The following SH2B2 variants were observed in gnomAD, a reference collection of about 807,000 sequenced individuals.
SH2B2 encodes SH2B adapter protein 2.
In SH2B2, 37 loss-of-function variants were observed where a neutral mutation model predicts 35.7. The ratio of observed to expected loss-of-function variants is 1.04; its 90% CI spans 0.80 to 1.36. The LOEUF is 1.36. SH2B2 is among the 40% of genes most tolerant of loss of function. SH2B2 has a pLI of 0.00. For synonymous variants in SH2B2, 383 were observed against 376.4 expected (o/e 1.02, Z -0.20); for missense variants, 852 against 817.7 (o/e 1.04, Z -0.51).
rs781902143 is a variant in SH2B2, at chr7:102,297,792, G to A, written c.-29-2730G>A. On this transcript the variant is annotated intron_variant, in intron 1 of 8. Coordinates refer to ENST00000444095, the MANE Select transcript of SH2B2 (RefSeq NM_001359228.2). The surrounding 1 kb of genome is among the most constrained non-coding windows in gnomAD (Gnocchi z 4.3). Reference sequence around the variant, plus strand: ...CCTGCCTTGTGAAACTGGCATTCTCGGGGGAAGGGGGTGGAGGGGACACAC... The same window carrying A: ...CCTGCCTTGTGAAACTGGCATTCTCAGGGGAAGGGGGTGGAGGGGACACAC... Among the ~76,000 whole-genome samples the A allele has an allele frequency of 1.6e-4, 25 of 152,070 alleles. No individual in the cohort carries two copies. The highest frequency in any genetic ancestry group is 2.2e-4 in the Non-Finnish European group (15 of 68,016).
chr7:102,315,799 G>A (rs1335803103), intron 6 of SH2B2, among the ~76,000 whole-genome samples: 3 of 149,832 alleles, frequency 2.0e-5, no homozygotes, highest in African/African-American at 7.4e-5. Flanking sequence ...GAGGGAGGGA[G>A]GGAAGGAAGG....
At chr7:102,298,568 C>T (rs982260068) in intron 1 of SH2B2, among the ~76,000 whole-genome samples, 1 of 152,104 alleles carries the variant, frequency 6.6e-6, no homozygotes, top group Non-Finnish European at 1.5e-5. Flanking sequence ...CATGTCACCA[C>T]ATTCAGATCA....
chr7:102,298,851 T>A (rs1411948706), intron 1 of SH2B2, among the ~76,000 whole-genome samples: 1 of 149,980 alleles, frequency 6.7e-6, no homozygotes, highest in Non-Finnish European at 1.5e-5. Flanking sequence ...TACAGGCCAA[T>A]GTGTAAGCCA....
At chr7:102,296,397 A>T (rs1424234589) in intron 1 of SH2B2, among the ~76,000 whole-genome samples, 1 of 152,134 alleles carries the variant, frequency 6.6e-6, no homozygotes, top group African/African-American at 2.4e-5. Context: ...CCTCTAACTC[A>T]TTTCCTTGGA....
At chr7:102,287,718 C>T (rs1792510772) in intron 1 of SH2B2, among the ~76,000 whole-genome samples, 1 of 152,162 alleles carries the variant, frequency 6.6e-6, no homozygotes, top group African/African-American at 2.4e-5. Context: ...GCCCTTGGGC[C>T]TCGGCCATTG....
chr7:102,300,655 C>T lies in SH2B2; in HGVS notation c.105C>T (p.Ala35=). ...QFCELHAQAA[A]VDFAHKFCRF... Reference sequence around the variant, plus strand: ...GCGAGCTGCATGCGCAGGCGGCCGCCGTGGACTTTGCGCACAAGTTCTGCC... The same window carrying T: ...GCGAGCTGCATGCGCAGGCGGCCGCTGTGGACTTTGCGCACAAGTTCTGCC... The change falls in exon 2 of 9, where the codon GCC becomes GCT. Residue 35 remains alanine (A), a synonymous_variant. Transcript: ENST00000444095. 2.6e-6 allele frequency: 4 copies of T among 1,549,580 alleles called. No homozygotes were observed. The South Asian group carries it at 3.6e-5, about 14-fold the overall frequency.
intron 1 of SH2B2, chr7:102,293,105 TAGGCGGGGCGGCG>T (rs1554552043): frequency 6.5e-6 from 1 of 154,568 alleles, no homozygotes; most frequent in African/African-American, 2.4e-5. Context: ...GCGGGCCCAT[TAGGCGGGGCGGCG>T]AGTCCGACTC....
intron 6 of SH2B2, among the ~76,000 whole-genome samples, chr7:102,316,295 T>A (rs1021905068): frequency 6.6e-6 from 1 of 150,690 alleles, no homozygotes; most frequent in African/African-American, 2.4e-5. Context: ...AATAAATAAA[T>A]AAAATTATTT....
rs1792958011 is a variant in SH2B2 at position 102,297,344 on chromosome 7, G to A, written c.-29-3178G>A. Among the ~76,000 whole-genome samples, 1 of 151,656 alleles carries A rather than the reference G, an allele frequency of 6.6e-6. No individual in the cohort carries two copies. Among genetic ancestry groups the A allele is most frequent in the African/African-American group, 2.4e-5 (1 of 41,214 alleles). On this transcript the variant is annotated intron_variant, in intron 1 of 8. Transcript: ENST00000444095. The surrounding 1 kb of genome is among the most constrained non-coding windows in gnomAD (Gnocchi z 4.3). ...GGAGGCCAAGGCCAGAGGATTGCTT[G>A]AACCCAGGAGTTCAAGACCAGCCTC...
intron 4 of SH2B2, among the ~76,000 whole-genome samples, chr7:102,310,608 C>T (rs1477891157): frequency 6.6e-6 from 1 of 152,220 alleles, no homozygotes; most frequent in Non-Finnish European, 1.5e-5. Context: ...AGCAGCTCTG[C>T]TGGCTAATGG....
chr7:102,315,151 T>A (rs1793773014), intron 6 of SH2B2, among the ~76,000 whole-genome samples: 1 of 150,510 alleles, frequency 6.6e-6, no homozygotes. Flanking sequence ...ATCACGCCAC[T>A]GCACTCCAGC....
At chr7:102,309,486 A>G in intron 4 of SH2B2, 1 of 307,784 alleles carries the variant, frequency 3.2e-6, no homozygotes, top group Non-Finnish European at 6.4e-6. Flanking sequence ...TCAGCCTCCT[A>G]AGTAGCTGTG....
rs374811332 is a variant in SH2B2 at position 102,320,359 on chromosome 7, G to A, written c.1424G>A (p.Gly475Asp). 7 of 1,612,494 alleles carry A rather than the reference G, an allele frequency of 4.3e-6. No individual in the cohort carries two copies. In the African/African-American group the frequency reaches 9.3e-5, roughly 22 times the overall value. ...CTGCGCCTGTCCCTGAACGGCCACGGCCAGTGTCACGTACAGCATCTGTGG... is the reference window on the plus strand; with the variant it reads ...CTGCGCCTGTCCCTGAACGGCCACGACCAGTGTCACGTACAGCATCTGTGG... ...KHLRLSLNGHGQCHVQHLWFQ... is the reference protein window; with the variant it reads ...KHLRLSLNGHDQCHVQHLWFQ... The change falls in exon 8 of 9, where the codon GGC becomes GAC. Residue 475 changes from glycine to aspartate, a missense_variant. Physicochemically the swap from Gly to Asp is moderately conservative, Grantham distance 94. Coordinates refer to ENST00000444095, the MANE Select transcript of SH2B2 (RefSeq NM_001359228.2).
At chr7:102,304,418 A>C (rs1793313974) in intron 2 of SH2B2, among the ~76,000 whole-genome samples, 1 of 152,180 alleles carries the variant, frequency 6.6e-6, no homozygotes, top group Non-Finnish European at 1.5e-5. Flanking sequence ...GCCCCCCGCC[A>C]TTAGGGAAAC....
chr7:102,317,310 G>A lies in SH2B2; in HGVS notation c.1310G>A (p.Arg437Gln), dbSNP rs370458582. 3.8e-5 allele frequency: 61 copies of A among 1,613,442 alleles called. No individual in the cohort carries two copies. Among genetic ancestry groups the A allele is most frequent in the Middle Eastern group, 1.7e-4 (1 of 6,058 alleles). ...CAACTGGTTCTGGCAGGGGGGCCCC[G>A]GAACCACGGCCTCTTCGTGATCCGC... ...AAQLVLAGGP[R>Q]NHGLFVIRQS... The change falls in exon 7 of 9, where the codon CGG (arginine) becomes CAG (glutamine). Residue 437 changes from arginine (R) to glutamine (Q), a missense_variant. This residue lies in a region of SH2B2 where 556 missense variants were observed against 514.5 expected (regional missense o/e 1.08). Coordinates refer to ENST00000444095, the MANE Select transcript of SH2B2 (RefSeq NM_001359228.2).
chr7:102,287,882 A>C (rs574690849), intron 1 of SH2B2, among the ~76,000 whole-genome samples: 5 of 152,316 alleles, frequency 3.3e-5, no homozygotes, highest in Non-Finnish European at 7.4e-5. Context: ...GAGCCACGCA[A>C]GGCAGACCGG....
At chr7:102,318,232 G>C (rs1296862130) in intron 7 of SH2B2, among the ~76,000 whole-genome samples, 1 of 152,058 alleles carries the variant, frequency 6.6e-6, no homozygotes, top group African/African-American at 2.4e-5. Context: ...TCCGCCTCCC[G>C]GGTTCAAGCG....
rs148329053 is a variant in SH2B2 at position 102,310,923 on chromosome 7, G to A, written c.923+2017G>A. Among the ~76,000 whole-genome samples, 11 of 152,284 alleles carry A rather than the reference G, an allele frequency of 7.2e-5. No homozygotes were observed. The East Asian group carries it at 2.1e-3, about 29-fold the overall frequency. ...TCCCAGGAGGAGCCCAGCCCCTCAA[G>A]GATAGTGGGCAGGGATCATGGGCCC... On this transcript the variant is annotated intron_variant, in intron 4 of 8. Coordinates refer to ENST00000444095, the MANE Select transcript of SH2B2 (RefSeq NM_001359228.2).
At chr7:102,300,399 C>T (rs1793098179) in intron 1 of SH2B2, 123 bp from the exon 2 acceptor site, 1 of 1,192,036 alleles carries the variant, frequency 8.4e-7, no homozygotes, top group Non-Finnish European at 1.1e-6. Flanking sequence ...CCACAACACA[C>T]ACGTGTGCAT....
Sources: gnomAD v4.1 joint callset for allele counts (sites outside exome capture counted in the v4.1 genomes callset) on GRCh38, gnomAD v4.1.1 for gene constraint, gnomAD v4.1.1 regional missense constraint, Gnocchi (gnomAD v3.1) non-coding constraint, MANE v1.5 for transcripts, NCBI Gene and HGNC (gene_info 2026-07-23, HGNC 2026-07-21) for gene names.